Variants in EFCAB13 observed in about 807,000 individuals in gnomAD.
The protein encoded by EFCAB13 is EF-hand calcium-binding domain-containing protein 13.
Under a neutral mutation model 110.2 loss-of-function variants are expected in EFCAB13, and 91 were observed. That is an observed-to-expected ratio of 0.83 (90% CI 0.70 to 0.98). The LOEUF is 0.98. EFCAB13 is among the 50% of genes least tolerant of loss of function. The probability of loss-of-function intolerance (pLI) is 0.00; values close to 1 mark genes in which losing one functional copy is unlikely to be tolerated. For synonymous variants in EFCAB13, 323 were observed against 369.9 expected (o/e 0.87, Z 1.45); for missense variants, 968 against 1,119.4 (o/e 0.86, Z 1.93).
At chr17:47,404,865 CT>C (rs1202861453) in intron 20 of EFCAB13, among the ~76,000 whole-genome samples, 1 of 152,004 alleles carries the variant, frequency 6.6e-6, no homozygotes, top group Non-Finnish European at 1.5e-5. Flanking sequence ...AGAGTATGAT[CT>C]TTTCCAATAG....
intron 17 of EFCAB13, among the ~76,000 whole-genome samples, chr17:47,397,806 T>A (rs1459638414): frequency 1.3e-5 from 2 of 149,400 alleles, no homozygotes; most frequent in Non-Finnish European, 3.0e-5. Context: ...GAGGAGCCCC[T>A]CCGCCCGGCA....
At chr17:47,408,325 C>G (rs1020619871) in intron 20 of EFCAB13, among the ~76,000 whole-genome samples, 1 of 152,142 alleles carries the variant, frequency 6.6e-6, no homozygotes, top group Non-Finnish European at 1.5e-5. Context: ...TTTAGAAAGC[C>G]ATTTCCTGCC....
intron 20 of EFCAB13, among the ~76,000 whole-genome samples, chr17:47,404,853 C>T (rs928534930): frequency 3.3e-5 from 5 of 152,020 alleles, no homozygotes; most frequent in Non-Finnish European, 4.4e-5. Flanking sequence ...GGAAAAATAA[C>T]AAGAGTATGA....
At chr17:47,381,732 C>G (rs1330673024) in intron 14 of EFCAB13, among the ~76,000 whole-genome samples, 1 of 152,104 alleles carries the variant, frequency 6.6e-6, no homozygotes, top group Non-Finnish European at 1.5e-5. Context: ...GTACCAGTAC[C>G]ATGCTGTTTG....
chr17:47,324,273 GGTGACT>G (rs2065266940), intron 1 of EFCAB13, among the ~76,000 whole-genome samples, 175 bp from the exon 2 acceptor site: 1 of 152,120 alleles, frequency 6.6e-6, no homozygotes, highest in Non-Finnish European at 1.5e-5. Context: ...CAGATTGAAG[GGTGACT>G]GAGACTGATC....
intron 4 of EFCAB13, among the ~76,000 whole-genome samples, chr17:47,334,193 A>G (rs2065336261): frequency 6.6e-6 from 1 of 151,828 alleles, no homozygotes; most frequent in South Asian, 2.1e-4. Context: ...TTTAATTTGC[A>G]GTTCCCTAAT....
chr17:47,392,324 T>G (rs998350319), intron 15 of EFCAB13, among the ~76,000 whole-genome samples: 2 of 152,218 alleles, frequency 1.3e-5, no homozygotes, highest in African/African-American at 4.8e-5. Flanking sequence ...CTAATTAACT[T>G]ATTTATTCAA....
chr17:47,404,793 C>A (rs2065797069), intron 20 of EFCAB13, among the ~76,000 whole-genome samples, 160 bp downstream of exon 20: 1 of 152,034 alleles, frequency 6.6e-6, no homozygotes, highest in African/African-American at 2.4e-5. Flanking sequence ...TGGGGAACTT[C>A]CTACATTTTA....
chr17:47,326,741 G>C (rs566613206), intron 3 of EFCAB13, among the ~76,000 whole-genome samples: 1 of 152,338 alleles, frequency 6.6e-6, no homozygotes, highest in African/African-American at 2.4e-5. Context: ...GATTACGTAG[G>C]ATGGGTTACT....
chr17:47,325,921 AAAATATAT>A (rs1305960700), intron 2 of EFCAB13, among the ~76,000 whole-genome samples: 14 of 62,502 alleles, frequency 2.2e-4, no homozygotes, highest in African/African-American at 9.3e-4. Context: ...ATATATAAAC[AAAATATAT>A]ATATATATAT....
intron 17 of EFCAB13, among the ~76,000 whole-genome samples, chr17:47,399,632 A>T (rs1361870509): frequency 6.6e-6 from 1 of 151,950 alleles, no homozygotes; most frequent in Non-Finnish European, 1.5e-5. Flanking sequence ...TGACCAGGTT[A>T]TGTTAAAAAG....
intron 23 of EFCAB13, among the ~76,000 whole-genome samples, chr17:47,424,127 G>C (rs1904837323): frequency 6.6e-6 from 1 of 152,180 alleles, no homozygotes; most frequent in South Asian, 2.1e-4. Flanking sequence ...CCAGGAGAGC[G>C]GACGAGGCCC....
Position 47,385,640 on chromosome 17 carries a change from G to A in EFCAB13, c.1583-5797G>A, listed in dbSNP as rs1247925884. Among the ~76,000 whole-genome samples, 5 of 152,038 alleles carry A rather than the reference G, an allele frequency of 3.3e-5. No individual in the cohort carries two copies. In the East Asian group the frequency reaches 5.8e-4, roughly 18 times the overall value. On this transcript the variant is annotated intron_variant, in intron 14 of 24. Transcript: ENST00000331493. The stretch of plus-strand genomic sequence containing the variant: ...TTATTACCCACCTTCTGAAGCCTAC[G>A]TCTGTCAAATCATCAAACTCATTCT...
intron 14 of EFCAB13, among the ~76,000 whole-genome samples, chr17:47,380,653 C>T (rs1190292428): frequency 6.6e-6 from 1 of 152,112 alleles, no homozygotes; most frequent in Non-Finnish European, 1.5e-5. Flanking sequence ...GAGGAATCGC[C>T]ACACTTCTTC....
intron 5 of EFCAB13, among the ~76,000 whole-genome samples, chr17:47,336,038 G>A (rs1318394609): frequency 4.6e-5 from 7 of 152,196 alleles, no homozygotes; most frequent in African/African-American, 7.2e-5. Context: ...TGTCTGTTAA[G>A]TTTGTCTTAA....
intron 4 of EFCAB13, chr17:47,328,979 T>C (rs7216112): frequency 0.71 from 107,257 of 152,046 alleles, 38,250 homozygotes; most frequent in East Asian, 0.83. Flanking sequence ...GTAAGATCTG[T>C]AGGTGTCTCA....
At chr17:47,430,840 T>C (rs1301852257) in intron 24 of EFCAB13, 5 of 152,114 alleles carry the variant, frequency 3.3e-5, no homozygotes, top group Non-Finnish European at 4.4e-5. Context: ...TTTATCTTGA[T>C]TGACCCTTTT....
intron 11 of EFCAB13, among the ~76,000 whole-genome samples, chr17:47,370,733 TG>T (rs1302820891): frequency 1.0e-5 from 1 of 99,700 alleles, no homozygotes; most frequent in Non-Finnish European, 2.2e-5. Flanking sequence ...TTGTTGTTGT[TG>T]TTTGTTTTTT....
intron 23 of EFCAB13, among the ~76,000 whole-genome samples, chr17:47,415,765 CCTT>C (rs1904420921): frequency 6.6e-6 from 1 of 152,108 alleles, no homozygotes; most frequent in Admixed American, 6.5e-5. Context: ...GTTAATCAGT[CCTT>C]CTAAATCCTC....
Sources: gnomAD v4.1 joint callset for allele counts (sites outside exome capture counted in the v4.1 genomes callset) on GRCh38, gnomAD v4.1.1 for gene constraint, MANE v1.5 for transcripts, NCBI Gene and HGNC (gene_info 2026-07-23, HGNC 2026-07-21) for gene names.